The following ZNF423 variants were observed in gnomAD, a reference collection of about 807,000 sequenced individuals.
ZNF423 encodes the protein zinc finger protein 423, also known as Ebf-associated zinc finger protein.
ZNF423 carries 12 observed loss-of-function variants against 95.8 expected under a neutral mutation model. The observed-to-expected ratio is 0.13, with a 90% CI of 0.08 to 0.20. The LOEUF (loss-of-function observed/expected upper bound fraction) is 0.20, where lower values mean the gene tolerates loss of function less well. Among genes scored for constraint, ZNF423 ranks in the 10% least tolerant of loss-of-function variants. ZNF423 has a pLI of 1.00. For missense variants in ZNF423, 1,316 were observed against 1,737.1 expected, an observed-to-expected ratio of 0.76 and a Z score of 4.31; for synonymous variants, 749 against 711.9, an observed-to-expected ratio of 1.05 and a Z score of -0.83.
intron 3 of ZNF423, among the ~76,000 whole-genome samples, chr16:49,643,342 CT>C (rs1490479061): frequency 6.6e-6 from 1 of 152,182 alleles, no homozygotes; most frequent in African/African-American, 2.4e-5. Flanking sequence ...AGGCATTCTT[CT>C]AAGAGTTAAT....
chr16:49,666,144 C>T (rs978925341), intron 3 of ZNF423, among the ~76,000 whole-genome samples: 2 of 152,196 alleles, frequency 1.3e-5, no homozygotes, highest in African/African-American at 2.4e-5. Context: ...GGCTGGCCCC[C>T]GCCTCCCAGC....
chr16:49,811,743 GCCTCCTA>G (rs2034755978), intron 1 of ZNF423, among the ~76,000 whole-genome samples: 1 of 151,934 alleles, frequency 6.6e-6, no homozygotes, highest in African/African-American at 2.4e-5. Context: ...ACTACAGCTG[GCCTCCTA>G]CCCCCACCCC....
intron 1 of ZNF423, among the ~76,000 whole-genome samples, chr16:49,832,283 G>A (rs1336304708): frequency 3.3e-5 from 5 of 152,232 alleles, no homozygotes; most frequent in African/African-American, 1.2e-4. Flanking sequence ...GGGCGGCGAT[G>A]CTGCCTGAGT....
chr16:49,813,718 C>T (rs554656486), intron 1 of ZNF423, among the ~76,000 whole-genome samples: 1 of 152,328 alleles, frequency 6.6e-6, no homozygotes, highest in African/African-American at 2.4e-5. Context: ...TCTCTTTTGG[C>T]TTAAGTTGTC....
chr16:49,701,650 A>C (rs555132925), intron 3 of ZNF423, among the ~76,000 whole-genome samples: 1 of 152,344 alleles, frequency 6.6e-6, no homozygotes, highest in South Asian at 2.1e-4. Context: ...ATTTATTTTT[A>C]AACAATACCT....
upstream of ZNF423, among the ~76,000 whole-genome samples, chr16:49,858,533 A>C (rs2035396344): frequency 6.6e-6 from 1 of 152,120 alleles, no homozygotes; most frequent in African/African-American, 2.4e-5. This position sits in a 1 kb window ranked among gnomAD's most constrained non-coding sequence, Gnocchi z 4.3. Context: ...ACACCCTGAC[A>C]GCGGCAGCGG....
intron 2 of ZNF423, among the ~76,000 whole-genome samples, chr16:49,745,783 G>A (rs993622502): frequency 9.9e-5 from 15 of 152,224 alleles, no homozygotes; most frequent in African/African-American, 3.6e-4. Flanking sequence ...ATGCCTTGCC[G>A]CTGACCCCCT....
rs112839320 is a variant in ZNF423 at position 49,534,572 on chromosome 16, A to G, written c.3602-9078T>C. ...CCAGCCTGCCATTGTCACTTCTGAC[A>G]TGACTCTACCTGAAACTCCATGCTC... On this transcript the variant is annotated intron_variant, in intron 5 of 7. Coordinates refer to ENST00000563137, the MANE Select transcript of ZNF423 (RefSeq NM_001379286.1). Among the ~76,000 whole-genome samples the G allele has an allele frequency of 2.5e-3, 383 of 152,326 alleles. 2 individuals are homozygous for G. Among genetic ancestry groups the G allele is most frequent in the African/African-American group, 8.2e-3 (339 of 41,576 alleles).
At chr16:49,687,223 C>A (rs1048742829) in intron 3 of ZNF423, among the ~76,000 whole-genome samples, 1 of 151,844 alleles carries the variant, frequency 6.6e-6, no homozygotes. Flanking sequence ...GTGGGCAGGG[C>A]CTTCCTTGTC....
At chr16:49,702,792 G>A (rs2032226588) in intron 3 of ZNF423, among the ~76,000 whole-genome samples, 1 of 152,210 alleles carries the variant, frequency 6.6e-6, no homozygotes, top group Admixed American at 6.5e-5. Flanking sequence ...CCCTGGGGAG[G>A]CTGGCTCACC....
At chr16:49,728,056 G>A (rs994863157) in intron 3 of ZNF423, among the ~76,000 whole-genome samples, 1 of 152,094 alleles carries the variant, frequency 6.6e-6, no homozygotes, top group African/African-American at 2.4e-5. Flanking sequence ...GGACATCAGT[G>A]CCCCCTCAGT....
At chr16:49,730,576 T>G (rs1252680874) in intron 3 of ZNF423, 195 bp downstream of exon 3, 2 of 639,772 alleles carry the variant, frequency 3.1e-6, no homozygotes, top group Non-Finnish European at 5.4e-6. Context: ...AATTCCTGCC[T>G]GCCGGAAAGC....
intron 3 of ZNF423, among the ~76,000 whole-genome samples, chr16:49,700,936 G>A (rs1229100960): frequency 6.6e-6 from 1 of 152,040 alleles, no homozygotes; most frequent in Non-Finnish European, 1.5e-5. Context: ...AGGGAGGAGG[G>A]CAGAGGAGGG....
At chr16:49,626,070 C>T in intron 5 of ZNF423, 100 bp downstream of exon 5, 1 of 1,163,836 alleles carries the variant, frequency 8.6e-7, no homozygotes, top group South Asian at 1.3e-5. Context: ...AGCAGTGACT[C>T]TGTCCTTTGG....
At chr16:49,525,859 T>C (rs895334521) in intron 5 of ZNF423, among the ~76,000 whole-genome samples, 1 of 152,182 alleles carries the variant, frequency 6.6e-6, no homozygotes, top group Admixed American at 6.5e-5. Context: ...CAACCAGGAT[T>C]TTAAAAAATC....
chr16:49,766,113 A>G (rs139137255), intron 2 of ZNF423, among the ~76,000 whole-genome samples: 1 of 152,384 alleles, frequency 6.6e-6, no homozygotes, highest in Non-Finnish European at 1.5e-5. Flanking sequence ...TTCTAAAAAG[A>G]AAATTTTAAT....
At chr16:49,514,208 ACACATGCACACG>A (rs1555502879) in intron 7 of ZNF423, among the ~76,000 whole-genome samples, 1 of 54,256 alleles carries the variant, frequency 1.8e-5, no homozygotes, top group Non-Finnish European at 3.7e-5. Context: ...ACACACACAC[ACACATGCACACG>A]CACATGCGTA....
chr16:49,547,415 G>A (rs148268189), intron 5 of ZNF423, among the ~76,000 whole-genome samples: 1 of 152,298 alleles, frequency 6.6e-6, no homozygotes, highest in Non-Finnish European at 1.5e-5. Context: ...AGAGCCATAA[G>A]GCTCAGCAGA....
chr16:49,664,302 C>T, intron 3 of ZNF423: 2 of 985,766 alleles, frequency 2.0e-6, no homozygotes, highest in Non-Finnish European at 2.4e-6. Flanking sequence ...GTGCTGCTCC[C>T]GCGGCGGCGC....
Sources: gnomAD v4.1 joint callset for allele counts (sites outside exome capture counted in the v4.1 genomes callset) on GRCh38, gnomAD v4.1.1 for gene constraint, Gnocchi (gnomAD v3.1) non-coding constraint, MANE v1.5 for transcripts, NCBI Gene and HGNC (gene_info 2026-07-23, HGNC 2026-07-21) for gene names.